The following UGT1A8 variants were observed in gnomAD, a reference collection of about 807,000 sequenced individuals.
UGT1A8 encodes the protein UDP-glucuronosyltransferase 1A8.
UGT1A8 carries 39 observed loss-of-function variants against 45.3 expected under a neutral mutation model. The observed-to-expected ratio is 0.86, with a 90% CI of 0.67 to 1.12. The LOEUF (loss-of-function observed/expected upper bound fraction) is 1.12. Among genes scored for constraint, UGT1A8 ranks in the 50% most tolerant of loss-of-function variants. The pLI is 0.00. For missense variants in UGT1A8, 719 were observed against 664.9 expected (o/e 1.08, Z -0.90); for synonymous variants, 275 against 249.2 (o/e 1.10, Z -0.97).
chr2:233,636,848 T>G (rs749238406), intron 1 of UGT1A8: 24 of 1,614,106 alleles, frequency 1.5e-5, no homozygotes, highest in Non-Finnish European at 1.9e-5. Flanking sequence ...TTTTCTCTAT[T>G]AATGAGTTCA....
intron 1 of UGT1A8, among the ~76,000 whole-genome samples, chr2:233,688,647 C>T (rs1036657892): frequency 2.6e-5 from 4 of 152,162 alleles, no homozygotes; most frequent in African/African-American, 9.7e-5. Context: ...GTTGGTGTTA[C>T]AGAATAACAT....
At chr2:233,697,377 A>G (rs556619948) in intron 1 of UGT1A8, among the ~76,000 whole-genome samples, 1 of 152,202 alleles carries the variant, frequency 6.6e-6, no homozygotes, top group East Asian at 1.9e-4. Context: ...AGAGTTCACA[A>G]TAATCGCTAA....
intron 4 of UGT1A8, among the ~76,000 whole-genome samples, chr2:233,771,783 T>TCTCACTCCCTCCCTCC (rs1700380653): frequency 6.6e-6 from 1 of 151,556 alleles, no homozygotes; most frequent in Non-Finnish European, 1.5e-5. Context: ...TCCTTTCCTC[T>TCTCACTCCCTCCCTCC]CTCCCTCCCT....
chr2:233,686,301 G>T (rs1224924441), intron 1 of UGT1A8, among the ~76,000 whole-genome samples: 1 of 151,580 alleles, frequency 6.6e-6, no homozygotes, highest in African/African-American at 2.4e-5. Context: ...AGAAAAACAA[G>T]AGATAAATCT....
chr2:233,716,171 A>G (rs17868334), intron 1 of UGT1A8, among the ~76,000 whole-genome samples: 15,437 of 152,224 alleles, frequency 0.1, 902 homozygotes, highest in East Asian at 0.2. Flanking sequence ...GCAGTGCAGC[A>G]TCTTCAAGTC....
At chr2:233,721,171 T>A (rs2076925263) in intron 1 of UGT1A8, among the ~76,000 whole-genome samples, 1 of 152,236 alleles carries the variant, frequency 6.6e-6, no homozygotes, top group South Asian at 2.1e-4. Context: ...ATTTTTGTTT[T>A]TGATCAAACC....
At chr2:233,661,066 T>G (rs534981952) in intron 1 of UGT1A8, among the ~76,000 whole-genome samples, 1 of 152,266 alleles carries the variant, frequency 6.6e-6, no homozygotes, top group South Asian at 2.1e-4. Context: ...TACACCCACA[T>G]AAAAGCTGCA....
intron 1 of UGT1A8, among the ~76,000 whole-genome samples, chr2:233,660,236 C>T (rs2073937527): frequency 6.6e-6 from 1 of 152,176 alleles, no homozygotes; most frequent in Non-Finnish European, 1.5e-5. Context: ...ATGATGTTCG[C>T]CCCGCTGACA....
At chr2:233,714,093 T>C (rs1575506008) in intron 1 of UGT1A8, among the ~76,000 whole-genome samples, 1 of 152,008 alleles carries the variant, frequency 6.6e-6, no homozygotes, top group East Asian at 1.9e-4. Context: ...TGTCAAAGGA[T>C]GGGCAAGAGT....
In UGT1A8 at chr2:233,620,669, T is replaced by C. The variant is rs28969674; in HGVS notation, c.855+2107T>C. The stretch of plus-strand genomic sequence containing the variant: ...GCAGAAGGTTATGTGTATTAATGTA[T>C]ATATTTATGATTATATGCATAAAGC... On this transcript the variant is annotated intron_variant, in intron 1 of 4. Coordinates refer to ENST00000373450, the MANE Select transcript of UGT1A8 (RefSeq NM_019076.5). Among the ~76,000 whole-genome samples the C allele has an allele frequency of 8.3e-3, 1,259 of 152,286 alleles. 21 individuals carry two copies. The highest frequency in any genetic ancestry group is 0.028 in the African/African-American group (1,175 of 41,562).
chr2:233,767,792 T>C (rs1011366406), intron 2 of UGT1A8, 57 bp from the exon 3 acceptor site: 6 of 1,614,068 alleles, frequency 3.7e-6, no homozygotes, highest in Non-Finnish European at 3.4e-6. Context: ...ATAGCAGATT[T>C]GTTTTCTAAT....
chr2:233,710,385 C>T (rs894731418), intron 1 of UGT1A8, among the ~76,000 whole-genome samples: 3 of 152,278 alleles, frequency 2.0e-5, no homozygotes, highest in East Asian at 1.9e-4. Flanking sequence ...CTAACAGCAA[C>T]GCATTAGAGT....
At chr2:233,751,255 T>G (rs977070137) in intron 1 of UGT1A8, among the ~76,000 whole-genome samples, 1 of 151,972 alleles carries the variant, frequency 6.6e-6, no homozygotes, top group Non-Finnish European at 1.5e-5. Context: ...GCATGGGGCC[T>G]GTAGCCCCCT....
At chr2:233,650,044 C>T (rs2073700923) in intron 1 of UGT1A8, among the ~76,000 whole-genome samples, 1 of 152,292 alleles carries the variant, frequency 6.6e-6, no homozygotes, top group East Asian at 1.9e-4. Flanking sequence ...GATCTTGGCT[C>T]ACCACAACCT....
chr2:233,682,067 G>A, intron 1 of UGT1A8: 2 of 1,614,120 alleles, frequency 1.2e-6, no homozygotes, highest in Non-Finnish European at 1.7e-6. Flanking sequence ...CATGCAGTCG[G>A]TGGTGGAGAA....
At position 233,641,371 on chromosome 2, in the gene UGT1A8, C is replaced by T. The variant is rs10193089; in HGVS notation, c.855+22809C>T. Among the ~76,000 whole-genome samples, 313 of 152,270 alleles carry T rather than the reference C, an allele frequency of 2.1e-3. 2 individuals carry two copies. Among genetic ancestry groups the T allele is most frequent in the African/African-American group, 7.2e-3 (298 of 41,574 alleles). On this transcript the variant is annotated intron_variant, in intron 1 of 4. Transcript: ENST00000373450. ...AACACTATTTGCATAAACAAACACA[C>T]AGCAAGAAGAAAACTAATAGAAACT...
chr2:233,771,969 G>T (rs1040138861), intron 4 of UGT1A8, among the ~76,000 whole-genome samples: 1 of 152,096 alleles, frequency 6.6e-6, no homozygotes, highest in Non-Finnish European at 1.5e-5. Context: ...TTAAAAATTG[G>T]CCAGACATAG....
At chr2:233,747,861 C>G (rs1332283136) in intron 1 of UGT1A8, 2 of 1,613,322 alleles carry the variant, frequency 1.2e-6, no homozygotes, top group African/African-American at 2.7e-5. Context: ...CATGCTCTAC[C>G]CTCTGGCCCT....
chr2:233,749,702 A>G (rs7556792), intron 1 of UGT1A8, among the ~76,000 whole-genome samples: 1 of 151,694 alleles, frequency 6.6e-6, no homozygotes, highest in African/African-American at 2.4e-5. Context: ...GTGGGAGGTG[A>G]TTGGATCATG....
Sources: gnomAD v4.1 joint callset for allele counts (sites outside exome capture counted in the v4.1 genomes callset) on GRCh38, gnomAD v4.1.1 for gene constraint, MANE v1.5 for transcripts, NCBI Gene and HGNC (gene_info 2026-07-23, HGNC 2026-07-21) for gene names.